Variants in DAB2 observed in about 807,000 individuals in gnomAD.
DAB2 encodes the protein disabled homolog 2.
A neutral mutation model predicts 71.6 loss-of-function variants in DAB2; 28 were observed. The ratio of observed to expected loss-of-function variants is 0.39; its 90% CI spans 0.29 to 0.54. DAB2 has a LOEUF of 0.54. Among genes scored for constraint, DAB2 ranks in the 20% least tolerant of loss-of-function variants. The pLI, the probability that DAB2 is intolerant of heterozygous loss-of-function variation, is 0.68. For missense variants in DAB2, 867 were observed against 928.8 expected, an observed-to-expected ratio of 0.93 and a Z score of 0.86; for synonymous variants, 345 against 339.7, an observed-to-expected ratio of 1.02 and a Z score of -0.17.
At chr5:39,403,716 ATTT>A (rs60449035) in intron 1 of DAB2, among the ~76,000 whole-genome samples, 3 of 135,286 alleles carry the variant, frequency 2.2e-5, no homozygotes, top group Non-Finnish European at 1.6e-5. Flanking sequence ...TTTTTTTGGA[ATTT>A]TTTTTTTTTT....
intron 1 of DAB2, among the ~76,000 whole-genome samples, chr5:39,412,416 T>C (rs555433855): frequency 6.6e-6 from 1 of 152,178 alleles, no homozygotes. Flanking sequence ...AGTTAATTCA[T>C]GTAATCAAAA....
rs374095484 is a variant in DAB2 at position 39,377,156 on chromosome 5, A to G, written c.1631T>C (p.Val544Ala). 5 of 1,614,084 alleles carry G rather than the reference A, an allele frequency of 3.1e-6. No homozygotes were observed. The highest frequency in any genetic ancestry group is 4.2e-6 in the Non-Finnish European group (5 of 1,180,006). Residue 544 changes from valine to alanine, a missense_variant, in exon 12 of 15, where the codon GTC (valine) becomes GCC (alanine). By Grantham distance (64) the Val-to-Ala change is moderately conservative. Transcript: ENST00000320816. ...GGQPSGFSQP[V>A]IFGTSPAVSG... The stretch of plus-strand genomic sequence containing the variant: ...AACAGCTGGACTTGTACCAAAAATG[A>G]CGGGCTGACTAAAACCTGAAGGTTG...
intron 9 of DAB2, chr5:39,385,165 A>G (rs990218243): frequency 3.9e-5 from 6 of 152,188 alleles, no homozygotes; most frequent in African/African-American, 1.4e-4. Context: ...TTGTCACAAG[A>G]AAGAGCTTAT....
chr5:39,388,699 A>C, intron 8 of DAB2, 100 bp downstream of exon 8: 1 of 961,114 alleles, frequency 1.0e-6, no homozygotes, highest in Non-Finnish European at 1.6e-6. Flanking sequence ...TTGGATTTTC[A>C]TATAGATTCA....
At chr5:39,382,581 G>C in intron 10 of DAB2, 37 bp downstream of exon 10, 1 of 1,578,684 alleles carries the variant, frequency 6.3e-7, no homozygotes. Context: ...TACCGAACAT[G>C]CACTCTGCTA....
Position 39,372,871 on chromosome 5 carries a change from T to G in DAB2, c.*560A>C, listed in dbSNP as rs1754733484. The G allele has an allele frequency of 6.6e-6, 1 of 152,090 alleles. No individual in the cohort carries two copies. 9.4% of individuals were successfully genotyped at this position (152,090 alleles called of 1,614,324 possible). A position where few individuals can be genotyped will look rare whatever the true frequency, so the allele number is the denominator to read the frequency against. On this transcript the variant is annotated 3_prime_UTR_variant, in exon 15 of 15. Coordinates refer to ENST00000320816, the MANE Select transcript of DAB2 (RefSeq NM_001343.4). Reference sequence around the variant, plus strand: ...TCTCTTTAAAAAGGTCCTTAAGTGGTTAGATTCCAAAGTGTCTAAGGAGAA... The same window carrying G: ...TCTCTTTAAAAAGGTCCTTAAGTGGGTAGATTCCAAAGTGTCTAAGGAGAA...
Position 39,376,828 on chromosome 5 carries a change from T to G in DAB2, c.1959A>C (p.Glu653Asp), listed in dbSNP as rs777402274. ...LGDKEIKDVK[E>D]MFKDFQLRQP... ...GCCGCAGTTGGAAATCCTTAAACAT[T>G]TCTTTCACATCCTTGATCTCTTTAT... The change falls in exon 12 of 15, where the codon GAA becomes GAC. Residue 653 changes from glutamate (E) to aspartate (D), a missense_variant. Coordinates refer to ENST00000320816, the MANE Select transcript of DAB2 (RefSeq NM_001343.4). The G allele has an allele frequency of 6.2e-7, 1 of 1,613,962 alleles. No homozygotes were observed. Among genetic ancestry groups the G allele is most frequent in the African/African-American group, 1.3e-5 (1 of 74,912 alleles).
rs2112062234 is a variant in DAB2, at chr5:39,393,368, G to A, written c.117C>T (p.Leu39=). Residue 39 remains leucine (L), a synonymous_variant, in exon 3 of 15, where the codon CTC becomes CTT. Transcript: ENST00000320816. ...CACCATCGCCTTTGAACCTTGCTAAGAGATATTCATCTGTCTTTTCAGGGC... is the reference window on the plus strand; with the variant it reads ...CACCATCGCCTTTGAACCTTGCTAAAAGATATTCATCTGTCTTTTCAGGGC... ...KKGPEKTDEY[L]LARFKGDGVK... 1.2e-6 allele frequency: 2 copies of A among 1,613,808 alleles called. No homozygotes were observed. The highest frequency in any genetic ancestry group is 4.5e-5 in the East Asian group (2 of 44,876).
At chr5:39,407,784 C>T (rs553298788) in intron 1 of DAB2, among the ~76,000 whole-genome samples, 35 of 152,246 alleles carry the variant, frequency 2.3e-4, no homozygotes, top group South Asian at 8.3e-4. Context: ...AAACTCTATG[C>T]GGATGTTAGA....
chr5:39,402,776 C>T (rs893192238), intron 1 of DAB2, among the ~76,000 whole-genome samples: 2 of 152,146 alleles, frequency 1.3e-5, no homozygotes, highest in African/African-American at 4.8e-5. Flanking sequence ...AGTGTAAGAG[C>T]CACCTCCTGC....
At chr5:39,411,594 G>C (rs1755730543) in intron 1 of DAB2, among the ~76,000 whole-genome samples, 1 of 152,152 alleles carries the variant, frequency 6.6e-6, no homozygotes, top group Admixed American at 6.5e-5. Context: ...GTCCTCCTAT[G>C]TAGGCATTTT....
At chr5:39,389,962 A>AT in intron 5 of DAB2, 30 bp from the exon 6 acceptor site, 1 of 1,379,346 alleles carries the variant, frequency 7.2e-7, no homozygotes, top group Non-Finnish European at 1.0e-6. Flanking sequence ...TGTTATCCGT[A>AT]TTTTAATTTT....
intron 13 of DAB2, 133 bp downstream of exon 13, chr5:39,375,864 C>A: frequency 1.4e-6 from 1 of 709,836 alleles, no homozygotes; most frequent in Non-Finnish European, 2.3e-6. Flanking sequence ...CCAGCCTGGC[C>A]GACAGAGCAA....
In DAB2 at chr5:39,388,779, C is replaced by T. The variant is rs1487365863; in HGVS notation, c.624+20G>A. The T allele has an allele frequency of 7.5e-6, 12 of 1,602,418 alleles. No individual in the cohort carries two copies. The highest frequency in any genetic ancestry group is 4.5e-5 in the East Asian group (2 of 44,756). On this transcript the variant is annotated intron_variant, in intron 8 of 14. Coordinates refer to ENST00000320816, the MANE Select transcript of DAB2 (RefSeq NM_001343.4). ...GTTCAGATAAGTAAGAACTGTCAAACGTCACATATTAATACATACCGATTT... is the reference window on the plus strand; with the variant it reads ...GTTCAGATAAGTAAGAACTGTCAAATGTCACATATTAATACATACCGATTT...
At chr5:39,414,721 G>GC (rs1181371884) in intron 1 of DAB2, among the ~76,000 whole-genome samples, 1 of 151,582 alleles carries the variant, frequency 6.6e-6, no homozygotes, top group Non-Finnish European at 1.5e-5. Context: ...AAAAGGGGGG[G>GC]GGGTGGTCAG....
intron 11 of DAB2, among the ~76,000 whole-genome samples, chr5:39,380,817 G>A (rs78227768): frequency 0.016 from 2,461 of 152,098 alleles, 70 homozygotes; most frequent in African/African-American, 0.056. Context: ...GGCTTTCTAG[G>A]ACTTATGTTC....
chr5:39,382,904 T>C lies in DAB2; in HGVS notation c.1055A>G (p.Asn352Ser). Residue 352 changes from asparagine (N) to serine (S), a missense_variant, in exon 10 of 15, where the codon AAC becomes AGC. Transcript: ENST00000320816. ...YFGQQFDQIS[N>S]RTGKQEAQAG... ...CTGAGCTTCCTGTTTGCCAGTCCGG[T>C]TAGAGATCTGGTCAAATTGCTGACC... The C allele has an allele frequency of 6.2e-7, 1 of 1,614,108 alleles. No homozygotes were observed. Among genetic ancestry groups the C allele is most frequent in the Non-Finnish European group, 8.5e-7 (1 of 1,180,012 alleles).
At position 39,376,942 on chromosome 5, in the gene DAB2, G is replaced by A. The variant is rs1242360435; in HGVS notation, c.1845C>T (p.Leu615=). 1.2e-6 allele frequency: 2 copies of A among 1,614,066 alleles called. No homozygotes were observed. The highest frequency in any genetic ancestry group is 1.3e-5 in the African/African-American group (1 of 74,928). The change falls in exon 12 of 15, where the codon CTC becomes CTT. Residue 615 remains leucine (L), a synonymous_variant. Transcript: ENST00000320816. ...GAGGTGGCTGAGGAGGAGTGACCAG[G>A]AGAGAGGAGTGCATGGATGGGGGCT... ...STQPPSMHSS[L]LVTPPQPPPR...
intron 1 of DAB2, among the ~76,000 whole-genome samples, chr5:39,410,297 G>A (rs1165357962): frequency 6.6e-6 from 1 of 152,114 alleles, no homozygotes; most frequent in East Asian, 1.9e-4. Flanking sequence ...AACAAATTTT[G>A]AGGATCGTAG....
Sources: gnomAD v4.1 joint callset for allele counts (sites outside exome capture counted in the v4.1 genomes callset) on GRCh38, gnomAD v4.1.1 for gene constraint, MANE v1.5 for transcripts, NCBI Gene and HGNC (gene_info 2026-07-23, HGNC 2026-07-21) for gene names.